Variants in JMJD6 observed in about 807,000 individuals in gnomAD.
The protein encoded by JMJD6 is jumonji domain containing 6, arginine demethylase and lysine hydroxylase.
Under a neutral mutation model 45.8 loss-of-function variants are expected in JMJD6, and 17 were observed. That is an observed-to-expected ratio of 0.37 (90% CI 0.25 to 0.56). The LOEUF is 0.56. Among genes scored for constraint, JMJD6 ranks in the 20% least tolerant of loss-of-function variants. The pLI is 0.79. For synonymous variants in JMJD6, 221 were observed against 196.3 expected, an observed-to-expected ratio of 1.13 and a Z score of -1.05; for missense variants, 470 against 517.5, an observed-to-expected ratio of 0.91 and a Z score of 0.89.
chr17:76,726,553 T>C lies in JMJD6; in HGVS notation c.-78A>G. ...GACACTAACGCACCCCTCCCCGGCC[T>C]GGGCGGCGGCGACGGCAGTACCCAA... is the stretch of plus-strand genomic sequence containing the variant. On this transcript the variant is annotated 5_prime_UTR_variant, in exon 1 of 6. Coordinates refer to ENST00000397625, the MANE Select transcript of JMJD6 (RefSeq NM_015167.3). 6.7e-7 allele frequency: 1 copy of C among 1,497,462 alleles called. No homozygotes were observed. Among genetic ancestry groups the C allele is most frequent in the East Asian group, 2.5e-5 (1 of 39,788 alleles). 92.8% of individuals were successfully genotyped at this position (1,497,462 alleles called of 1,614,324 possible).
At chr17:76,717,467 C>T (rs767029067), downstream of JMJD6, among the ~76,000 whole-genome samples, 2 of 152,170 alleles carry the variant, frequency 1.3e-5, no homozygotes, top group Non-Finnish European at 2.9e-5. Context: ...CCATTATGAG[C>T]CTGTTACATG....
chr17:76,721,647 G>A, intron 4 of JMJD6, 151 bp downstream of exon 4: 1 of 806,322 alleles, frequency 1.2e-6, no homozygotes, highest in Admixed American at 2.7e-5. Flanking sequence ...CCTGACCTTG[G>A]CCCCTCTCTC....
At chr17:76,720,320 C>G in intron 5 of JMJD6, 40 bp downstream of exon 5, 3 of 1,603,200 alleles carry the variant, frequency 1.9e-6, no homozygotes, top group Non-Finnish European at 2.6e-6. Context: ...TTACATGAGC[C>G]TTGGAGGCTC....
intron 2 of JMJD6, among the ~76,000 whole-genome samples, chr17:76,725,004 G>A (rs1025958565): frequency 1.3e-5 from 2 of 152,058 alleles, no homozygotes; most frequent in Non-Finnish European, 2.9e-5. Flanking sequence ...TAGGGCCCAG[G>A]CAGGCCTCAG....
Position 76,726,477 on chromosome 17 carries a change from C to T in JMJD6, c.-2G>A. On this transcript the variant is annotated 5_prime_UTR_variant, in exon 1 of 6. Transcript: ENST00000397625. ...GCGCTTCTTGCTCTTGTGGTTCATT[C>T]TGCGGGGTCGCCAGCTGGTTCCGCT... 2.5e-6 allele frequency: 4 copies of T among 1,591,866 alleles called. No individual in the cohort carries two copies. Among genetic ancestry groups the T allele is most frequent in the Non-Finnish European group, 3.4e-6 (4 of 1,169,464 alleles).
rs1346033975 is a variant in JMJD6, at chr17:76,726,393, C to T, written c.83G>A (p.Arg28Gln). 10 of 1,605,440 alleles carry T rather than the reference C, an allele frequency of 6.2e-6. No individual in the cohort carries two copies. The highest frequency in any genetic ancestry group is 1.4e-5 in the African/African-American group (1 of 73,626). The change falls in exon 1 of 6, where the codon CGG becomes CAG. Residue 28 changes from arginine to glutamine, a missense_variant. By Grantham distance (43) the Arg-to-Gln change is conservative. Around this residue, in one of 4 missense-constraint regions of JMJD6, gnomAD observed 346 missense variants for 339.5 expected, o/e 1.02. Coordinates refer to ENST00000397625, the MANE Select transcript of JMJD6 (RefSeq NM_015167.3). ...PELKDSLDWT[R>Q]HNYYESFSLS... ...CGAGAAGCTCTCGTAGTAGTTGTGCCGGGTCCAATCCAGCGAGTCCTTGAG... is the reference window on the plus strand; with the variant it reads ...CGAGAAGCTCTCGTAGTAGTTGTGCTGGGTCCAATCCAGCGAGTCCTTGAG...
At chr17:76,717,551 T>C (rs971383913), downstream of JMJD6, among the ~76,000 whole-genome samples, 14 of 152,186 alleles carry the variant, frequency 9.2e-5, no homozygotes, top group African/African-American at 3.1e-4. Context: ...GTGATTAAGT[T>C]TTTATAAAAG....
chr17:76,716,774 G>A (rs1162626207), downstream of JMJD6: 2 of 1,594,660 alleles, frequency 1.3e-6, no homozygotes, highest in Non-Finnish European at 8.6e-7. Flanking sequence ...AGCATGCTGG[G>A]TACAAAGCTG....
intron 3 of JMJD6, among the ~76,000 whole-genome samples, chr17:76,722,556 T>TA (rs2076838032): frequency 6.6e-6 from 1 of 151,888 alleles, no homozygotes; most frequent in Admixed American, 6.6e-5. Context: ...TTTACAGAAT[T>TA]AAACCCTGGC....
chr17:76,725,980 C>T (rs1289798619), intron 1 of JMJD6, 125 bp from the exon 2 acceptor site: 10 of 1,251,358 alleles, frequency 8.0e-6, no homozygotes, highest in Non-Finnish European at 1.1e-5. Flanking sequence ...CTGGCTCCTC[C>T]GGGGTGGGGG....
intron 4 of JMJD6, chr17:76,721,236 T>C (rs1386317307): frequency 1.6e-5 from 6 of 366,888 alleles, no homozygotes; most frequent in East Asian, 1.5e-4. Flanking sequence ...AGGCTGAGCA[T>C]GGAACAAGCC....
downstream of JMJD6, chr17:76,716,604 G>A: frequency 1.6e-6 from 2 of 1,252,468 alleles, no homozygotes; most frequent in Admixed American, 1.7e-5. Flanking sequence ...GGAGAAGGTA[G>A]GAGCAGAAGA....
chr17:76,722,917 A>ACAAAGACAATAGGTAACTATTG (rs71158059), intron 3 of JMJD6, among the ~76,000 whole-genome samples: 1 of 136,900 alleles, frequency 7.3e-6, no homozygotes, highest in Non-Finnish European at 1.5e-5. Flanking sequence ...CTACACATAC[A>ACAAAGACAATAGGTAACTATTG]CAAACAAAGA....
chr17:76,716,812 G>T, downstream of JMJD6: 1 of 1,374,162 alleles, frequency 7.3e-7, no homozygotes, highest in Non-Finnish European at 1.0e-6. Flanking sequence ...CAGGACCCCC[G>T]GGACCCCACG....
In JMJD6 at chr17:76,726,329, C is replaced by T; in HGVS notation, c.129+18G>A. On this transcript the variant is annotated intron_variant, in intron 1 of 5. Transcript: ENST00000397625. ...GGTGCCGATGCCCGGCCTGGCCACCCCCGCCCGACCCGCTCACCGCCACGG... is the reference window on the plus strand; with the variant it reads ...GGTGCCGATGCCCGGCCTGGCCACCTCCGCCCGACCCGCTCACCGCCACGG... The T allele has an allele frequency of 6.4e-7, 1 of 1,556,350 alleles. No homozygotes were observed.
At chr17:76,721,360 T>C (rs767062742) in intron 4 of JMJD6, 23 of 427,096 alleles carry the variant, frequency 5.4e-5, no homozygotes, top group South Asian at 3.7e-4. Context: ...ATCTGTTCTG[T>C]GGATAAACAG....
downstream of JMJD6, chr17:76,715,815 A>G (rs2076759727): frequency 6.6e-6 from 1 of 152,256 alleles, no homozygotes; most frequent in Non-Finnish European, 1.5e-5. Context: ...TTAGTTATTT[A>G]GAAGTATCAA....
intron 3 of JMJD6, among the ~76,000 whole-genome samples, chr17:76,722,988 C>A (rs1330290565): frequency 2.7e-5 from 4 of 146,270 alleles, no homozygotes; most frequent in African/African-American, 1.0e-4. Flanking sequence ...GCTCTGTCAC[C>A]CAGGCTGGAG....
At chr17:76,723,703 A>T in intron 3 of JMJD6, 69 bp downstream of exon 3, 5 of 1,458,646 alleles carry the variant, frequency 3.4e-6, no homozygotes, top group Non-Finnish European at 3.8e-6. Context: ...AGCCTCCCAA[A>T]GTGCTGGGAT....
Sources: allele counts gnomAD v4.1 joint callset (sites outside exome capture counted in the v4.1 genomes callset), GRCh38; gene constraint gnomAD v4.1.1; regional missense constraint gnomAD v4.1.1; transcripts MANE v1.5; gene names NCBI Gene and HGNC (gene_info 2026-07-23, HGNC 2026-07-21).